DAPK2: variants seen among roughly 807,000 people sequenced by gnomAD.
DAPK2 encodes the protein death associated protein kinase 2, also known as death-associated protein kinase 2.
Under a neutral mutation model 44.1 loss-of-function variants are expected in DAPK2, and 35 were observed. That is an observed-to-expected ratio of 0.79 (90% CI 0.61 to 1.05). The LOEUF is 1.05. DAPK2 is among the 50% of genes least tolerant of loss of function. The pLI is 0.00. For synonymous variants in DAPK2, 174 were observed against 182.6 expected (o/e 0.95, Z 0.38); for missense variants, 453 against 483.2 (o/e 0.94, Z 0.59).
rs78944965 is a variant in DAPK2, at chr15:63,986,037, G to A, written c.93-2283C>T. 4.2e-3 allele frequency among the ~76,000 whole-genome samples: 646 copies of A among 152,284 alleles called. 4 individuals are homozygous for A. Among genetic ancestry groups the A allele is most frequent in the African/African-American group, 0.015 (605 of 41,560 alleles). ...CGCCAAATACCACACACCACCACTC[G>A]TCTCACCTGTCTTCACTCAGGCACA... On this transcript the variant is annotated intron_variant, in intron 1 of 10. Coordinates refer to ENST00000261891, the Ensembl canonical transcript of DAPK2.
In DAPK2 at chr15:63,939,096, C is replaced by G; in HGVS notation, c.583+136G>C. On this transcript the variant is annotated intron_variant, in intron 4 of 10. Transcript: ENST00000261891. This position sits in a 1 kb window ranked among gnomAD's most constrained non-coding sequence, Gnocchi z 4.3. ...CCCAATAAGACATTTCCTTCCCCAC[C>G]CATTAGGTTTCTAGAGATGTCCCAA... The G allele has an allele frequency of 6.9e-7, 1 of 1,444,848 alleles. No homozygotes were observed. Among genetic ancestry groups the G allele is most frequent in the Non-Finnish European group, 9.2e-7 (1 of 1,082,204 alleles). 89.5% of individuals were successfully genotyped at this position (1,444,848 alleles called of 1,614,324 possible).
At chr15:63,938,099 C>T (rs1595756323) in intron 4 of DAPK2, among the ~76,000 whole-genome samples, 1 of 152,312 alleles carries the variant, frequency 6.6e-6, no homozygotes, top group East Asian at 1.9e-4. Context: ...CTAAAAAGAT[C>T]CTTCTGGCAC....
chr15:63,967,574 C>T (rs1462369923), intron 3 of DAPK2, among the ~76,000 whole-genome samples: 1 of 152,012 alleles, frequency 6.6e-6, no homozygotes, highest in Non-Finnish European at 1.5e-5. Flanking sequence ...ACCTGTAATC[C>T]CAGCTACTAA....
At chr15:63,973,315 CA>C (rs2078262648) in intron 2 of DAPK2, among the ~76,000 whole-genome samples, 1 of 152,208 alleles carries the variant, frequency 6.6e-6, no homozygotes, top group Non-Finnish European at 1.5e-5. Flanking sequence ...GTGTGGGGGC[CA>C]ATGTTTGGAG....
chr15:63,929,943 G>A, intron 5 of DAPK2: 1 of 450,780 alleles, frequency 2.2e-6, no homozygotes, highest in Non-Finnish European at 4.2e-6. Context: ...AGGTAACAAA[G>A]GTGCTTGGCC....
At chr15:64,012,876 T>C (rs538970652) in intron 1 of DAPK2, among the ~76,000 whole-genome samples, 157 of 152,364 alleles carry the variant, frequency 1.0e-3, no homozygotes, top group African/African-American at 3.6e-3. Flanking sequence ...AAGTTAAACA[T>C]GATCATGTTA....
At chr15:63,963,673 T>C (rs1378539771) in intron 3 of DAPK2, among the ~76,000 whole-genome samples, 1 of 152,198 alleles carries the variant, frequency 6.6e-6, no homozygotes, top group African/African-American at 2.4e-5. Flanking sequence ...TTTTCTCTGG[T>C]GGTAAGTTTT....
At chr15:63,929,375 T>C in intron 6 of DAPK2, 176 bp downstream of exon 7, 2 of 734,948 alleles carry the variant, frequency 2.7e-6, no homozygotes, top group South Asian at 1.8e-5. Context: ...AATGCCAGGG[T>C]CAGATGGATG....
At position 64,017,016 on chromosome 15, in the gene DAPK2, A is replaced by G. The variant is rs181800874; in HGVS notation, c.92+23154T>C. 1.5e-3 allele frequency among the ~76,000 whole-genome samples: 221 copies of G among 152,294 alleles called. 3 individuals carry two copies. Among genetic ancestry groups the G allele is most frequent in the Admixed American group, 0.013 (195 of 15,294 alleles). ...CAAAGTTTTTCTAGAACACTGGCCT[A>G]AGCCCAACTTGTTCTCATTGCTGTT... On this transcript the variant is annotated intron_variant, in intron 1 of 10. Transcript: ENST00000261891.
At chr15:64,000,366 G>C (rs1168728929) in intron 1 of DAPK2, among the ~76,000 whole-genome samples, 2 of 152,118 alleles carry the variant, frequency 1.3e-5, no homozygotes, top group Non-Finnish European at 2.9e-5. Flanking sequence ...CGTGCACCAA[G>C]CATACCTGGA....
At chr15:63,988,059 G>A (rs534111770) in intron 1 of DAPK2, among the ~76,000 whole-genome samples, 38 of 152,272 alleles carry the variant, frequency 2.5e-4, no homozygotes, top group African/African-American at 9.1e-4. Context: ...GTGAGGGACA[G>A]TAAATCCTCA....
At position 63,981,761 on chromosome 15, in the gene DAPK2, C is replaced by A. The variant is rs571878537; in HGVS notation, c.314+1772G>T. On this transcript the variant is annotated intron_variant, in intron 2 of 10. Coordinates refer to ENST00000261891, the Ensembl canonical transcript of DAPK2. The stretch of plus-strand genomic sequence containing the variant: ...TGGGAATCAGGATGCCGACTGCTGA[C>A]CCTCAGCTTCTCTCTGGGTCACGCA... Among the ~76,000 whole-genome samples the A allele has an allele frequency of 1.2e-4, 18 of 152,162 alleles. No homozygotes were observed. The South Asian group carries it at 3.7e-3, about 32-fold the overall frequency.
chr15:64,034,228 A>T, intron 1 of DAPK2, among the ~76,000 whole-genome samples: 1 of 152,012 alleles, frequency 6.6e-6, no homozygotes, highest in Admixed American at 6.5e-5. Flanking sequence ...GGGTAAATTT[A>T]AACTTCACAC....
At chr15:64,035,277 G>C (rs571101607) in intron 1 of DAPK2, among the ~76,000 whole-genome samples, 24 of 152,236 alleles carry the variant, frequency 1.6e-4, no homozygotes, top group African/African-American at 5.8e-4. Context: ...CATTGTGCAT[G>C]CAGTAGTTGT....
chr15:63,969,572 C>T (rs2078151156), intron 3 of DAPK2, among the ~76,000 whole-genome samples: 1 of 152,052 alleles, frequency 6.6e-6, no homozygotes, highest in Admixed American at 6.5e-5. Flanking sequence ...AAGACCCCGC[C>T]TCTACAAAAA....
chr15:64,007,060 T>C (rs1475980163), intron 1 of DAPK2, among the ~76,000 whole-genome samples: 5 of 152,044 alleles, frequency 3.3e-5, no homozygotes, highest in African/African-American at 1.2e-4. Flanking sequence ...ACTTTACAAG[T>C]GATCTTTCCA....
chr15:63,920,860 CT>C, intron 8 of DAPK2: 1 of 152,532 alleles, frequency 6.6e-6, no homozygotes, highest in Non-Finnish European at 1.5e-5. Context: ...CATTCTCAAC[CT>C]TCCACACCGC....
At chr15:63,935,789 T>G (rs975174349) in intron 4 of DAPK2, 4 of 152,222 alleles carry the variant, frequency 2.6e-5, no homozygotes, top group African/African-American at 9.6e-5. Flanking sequence ...TATCCTCTTT[T>G]GCTTATCCTC....
intron 2 of DAPK2, among the ~76,000 whole-genome samples, chr15:63,974,934 T>C (rs1340175948): frequency 6.6e-6 from 1 of 152,210 alleles, no homozygotes; most frequent in African/African-American, 2.4e-5. Flanking sequence ...GTTTTCATAT[T>C]AATGCTGGTC....
Sources: gnomAD v4.1 joint callset for allele counts (sites outside exome capture counted in the v4.1 genomes callset) on GRCh38, gnomAD v4.1.1 for gene constraint, Gnocchi (gnomAD v3.1) non-coding constraint, MANE v1.5 for transcripts, NCBI Gene and HGNC (gene_info 2026-07-23, HGNC 2026-07-21) for gene names.